SAMTOR: variants seen among roughly 807,000 people sequenced by gnomAD.
The protein encoded by SAMTOR is S-adenosylmethionine sensor upstream of mTORC1, also known as UPF0532 protein C7orf60.
At chr7:112,880,133 T>C in the SAMTOR span, among the ~76,000 whole-genome samples, 1 of 152,172 alleles carries the variant, frequency 6.6e-6, no homozygotes, top group Non-Finnish European at 1.5e-5. Context: ...TCCGCAATCA[T>C]CATTTTCATT....
At chr7:112,903,300 G>A in the SAMTOR span, among the ~76,000 whole-genome samples, 14 of 147,318 alleles carry the variant, frequency 9.5e-5, no homozygotes, top group African/African-American at 3.0e-4. Flanking sequence ...TAACAACAGC[G>A]AAACTGTCTC....
the SAMTOR span, among the ~76,000 whole-genome samples, chr7:112,883,163 T>A: frequency 6.6e-6 from 1 of 152,202 alleles, no homozygotes; most frequent in Non-Finnish European, 1.5e-5. Context: ...AGTGACCATC[T>A]AATATGTTTT....
the SAMTOR span, among the ~76,000 whole-genome samples, chr7:112,851,772 T>G: frequency 1.3e-5 from 2 of 152,162 alleles, no homozygotes; most frequent in African/African-American, 2.4e-5. Context: ...AGGGCTAATA[T>G]GCAGAATTTA....
At chr7:112,898,675 G>A in the SAMTOR span, among the ~76,000 whole-genome samples, 2 of 152,310 alleles carry the variant, frequency 1.3e-5, no homozygotes, top group South Asian at 2.1e-4. Flanking sequence ...GACCCAGCAT[G>A]AGGCCAGCTG....
At chr7:112,870,336 G>A in the SAMTOR span, among the ~76,000 whole-genome samples, 2 of 152,210 alleles carry the variant, frequency 1.3e-5, no homozygotes, top group African/African-American at 4.8e-5. Context: ...GATTTCTGAG[G>A]AGAAATCTTA....
the SAMTOR span, among the ~76,000 whole-genome samples, chr7:112,936,509 C>A: frequency 3.3e-5 from 5 of 152,190 alleles, no homozygotes; most frequent in African/African-American, 1.2e-4. Context: ...CACCCCAAGC[C>A]TGTTCATCAC....
the SAMTOR span, among the ~76,000 whole-genome samples, chr7:112,862,852 C>A: frequency 2.4e-4 from 37 of 152,024 alleles, no homozygotes; most frequent in African/African-American, 8.9e-4. Context: ...TCGCTTGAAC[C>A]CAGGACGTGG....
the SAMTOR span, among the ~76,000 whole-genome samples, chr7:112,887,919 T>C: frequency 2.0e-5 from 3 of 152,090 alleles, no homozygotes; most frequent in Non-Finnish European, 4.4e-5. Context: ...ATTTTCTCTA[T>C]TGTTTTTCTG....
chr7:112,821,321 A>G, the SAMTOR span: 1 of 153,488 alleles, frequency 6.5e-6, no homozygotes, highest in South Asian at 2.1e-4. Flanking sequence ...TAACCGATCT[A>G]TTTTTCTGTA....
the SAMTOR span, among the ~76,000 whole-genome samples, chr7:112,932,527 GCTT>G: frequency 2.6e-5 from 4 of 152,158 alleles, no homozygotes; most frequent in Non-Finnish European, 5.9e-5. Flanking sequence ...ATTTACATTA[GCTT>G]CTTCTGTGCG....
chr7:112,909,160 AC>A, the SAMTOR span, among the ~76,000 whole-genome samples: 2 of 151,616 alleles, frequency 1.3e-5, no homozygotes, highest in African/African-American at 4.9e-5. Flanking sequence ...CTATATTTTA[AC>A]CCCCCAGCCT....
At chr7:112,932,129 G>C in the SAMTOR span, among the ~76,000 whole-genome samples, 1 of 151,954 alleles carries the variant, frequency 6.6e-6, no homozygotes, top group South Asian at 2.1e-4. Context: ...GTTTCACCAA[G>C]TTAACCAGGA....
chr7:112,902,481 AGATGGGT>A, the SAMTOR span, among the ~76,000 whole-genome samples: 1 of 148,886 alleles, frequency 6.7e-6, no homozygotes, highest in Non-Finnish European at 1.5e-5. Context: ...TGGTGGTTGC[AGATGGGT>A]GAAAAGGCCG....
the SAMTOR span, among the ~76,000 whole-genome samples, chr7:112,938,740 T>C: frequency 6.6e-6 from 1 of 152,340 alleles, no homozygotes; most frequent in South Asian, 2.1e-4. Flanking sequence ...TATTTAAAGA[T>C]ATCAAGGATA....
chr7:112,852,912 A>G, the SAMTOR span, among the ~76,000 whole-genome samples: 94 of 152,044 alleles, frequency 6.2e-4, 3 homozygotes, highest in South Asian at 0.02. Flanking sequence ...ACATGGAATC[A>G]AGAGTGTAAA....
At chr7:112,908,858 A>T in the SAMTOR span, among the ~76,000 whole-genome samples, 3,497 of 152,326 alleles carry the variant, frequency 0.023, 67 homozygotes, top group Admixed American at 0.042. Context: ...GGATACCTGT[A>T]ATAAAAAGTT....
chr7:112,929,451 G>A, the SAMTOR span, among the ~76,000 whole-genome samples: 1 of 152,036 alleles, frequency 6.6e-6, no homozygotes, highest in Non-Finnish European at 1.5e-5. Flanking sequence ...AAGCATTGGT[G>A]AGGATGTGAA....
chr7:112,934,749 T>G, the SAMTOR span, among the ~76,000 whole-genome samples: 6,423 of 152,292 alleles, frequency 0.042, 355 homozygotes, highest in African/African-American at 0.12. Context: ...GAACCAAGGC[T>G]AAGAACCGCT....
the SAMTOR span, among the ~76,000 whole-genome samples, chr7:112,886,343 T>C: frequency 2.0e-5 from 3 of 152,216 alleles, no homozygotes; most frequent in African/African-American, 7.2e-5. Context: ...GGCATTTATA[T>C]TGCTAGAGAT....
Sources: gnomAD v4.1 joint callset for allele counts (sites outside exome capture counted in the v4.1 genomes callset) on GRCh38, gnomAD v4.1.1 for gene constraint, MANE v1.5 for transcripts, NCBI Gene and HGNC (gene_info 2026-07-23, HGNC 2026-07-21) for gene names.